Variants in CCDC170 observed in about 807,000 individuals in gnomAD.
CCDC170 encodes the protein coiled-coil domain containing 170.
In CCDC170, 69 loss-of-function variants were observed where a neutral mutation model predicts 72.6. The ratio of observed to expected loss-of-function variants is 0.95; its 90% CI spans 0.78 to 1.16. The LOEUF is 1.16. Ranked by LOEUF, CCDC170 falls within the 50% of genes most tolerant of loss-of-function variation. CCDC170 has a pLI of 0.00. For synonymous variants in CCDC170, 300 were observed against 303.9 expected, an observed-to-expected ratio of 0.99 and a Z score of 0.13; for missense variants, 852 against 832.5, an observed-to-expected ratio of 1.02 and a Z score of -0.29.
intron 5 of CCDC170, among the ~76,000 whole-genome samples, chr6:151,571,061 A>G (rs1451580563): frequency 6.6e-6 from 1 of 152,230 alleles, no homozygotes; most frequent in Non-Finnish European, 1.5e-5. Context: ...TGATTTTAAA[A>G]AAGTCACCAT....
At chr6:151,543,605 C>T (rs1331583171) in intron 3 of CCDC170, among the ~76,000 whole-genome samples, 1 of 152,106 alleles carries the variant, frequency 6.6e-6, no homozygotes, top group Non-Finnish European at 1.5e-5. Context: ...CATTGACTCA[C>T]CTCCCTGTAT....
chr6:151,577,268 A>G (rs956369111), intron 6 of CCDC170, among the ~76,000 whole-genome samples: 1 of 152,090 alleles, frequency 6.6e-6, no homozygotes, highest in Non-Finnish European at 1.5e-5. Context: ...AGTTTGTGAC[A>G]ACCACAGATG....
At chr6:151,546,807 C>T (rs1172245967) in intron 4 of CCDC170, among the ~76,000 whole-genome samples, 1 of 152,172 alleles carries the variant, frequency 6.6e-6, no homozygotes, top group Non-Finnish European at 1.5e-5. Context: ...CCCCATTGCC[C>T]TGTGTAGTGT....
intron 9 of CCDC170, among the ~76,000 whole-genome samples, chr6:151,600,481 A>G (rs1344935673): frequency 6.6e-6 from 1 of 151,896 alleles, no homozygotes; most frequent in Non-Finnish European, 1.5e-5. Context: ...TCTGTCTCTT[A>G]TAAGGACACC....
At position 151,607,367 on chromosome 6, in the gene CCDC170, C is replaced by T. The variant is rs1396397541; in HGVS notation, c.1711-8076C>T. Among the ~76,000 whole-genome samples, 12 of 151,204 alleles carry T rather than the reference C, an allele frequency of 7.9e-5. No individual in the cohort carries two copies. In the East Asian group the frequency reaches 1.4e-3, roughly 17 times the overall value. On this transcript the variant is annotated intron_variant, in intron 9 of 10. Coordinates refer to ENST00000239374, the MANE Select transcript of CCDC170 (RefSeq NM_025059.4). Reference sequence around the variant, plus strand: ...TAATATATCATTTGTTCCTTTTTTCCTCTCTTATTGTTTATCTTCGCAGTT... The same window carrying T: ...TAATATATCATTTGTTCCTTTTTTCTTCTCTTATTGTTTATCTTCGCAGTT...
At chr6:151,561,412 G>C (rs1414660463) in intron 5 of CCDC170, among the ~76,000 whole-genome samples, 1 of 151,992 alleles carries the variant, frequency 6.6e-6, no homozygotes, top group East Asian at 1.9e-4. Context: ...GTCTGGTCTG[G>C]TGGTGATAAA....
chr6:151,607,377 G>T (rs560779467), intron 9 of CCDC170, among the ~76,000 whole-genome samples: 2 of 151,996 alleles, frequency 1.3e-5, no homozygotes, highest in East Asian at 1.9e-4. Context: ...CTCTCTTATT[G>T]TTTATCTTCG....
In CCDC170 at chr6:151,615,744, T is replaced by G. The variant is rs141568819; in HGVS notation, c.1947+65T>G. On this transcript the variant is annotated intron_variant, in intron 10 of 10. Coordinates refer to ENST00000239374, the MANE Select transcript of CCDC170 (RefSeq NM_025059.4). ...GACAGGACAATTCAAGAGCTTGATA[T>G]TAATACTTATTCATGCATTTCTTTT... 7.8e-5 allele frequency: 87 copies of G among 1,114,858 alleles called. No homozygotes were observed. The African/African-American group carries it at 1.3e-3, about 17-fold the overall frequency. The allele number at this position is 1,114,858 out of a possible 1,614,324, so 69.1% of individuals were successfully genotyped here.
chr6:151,595,787 C>G (rs1776612329), intron 8 of CCDC170, among the ~76,000 whole-genome samples: 1 of 152,032 alleles, frequency 6.6e-6, no homozygotes, highest in Non-Finnish European at 1.5e-5. Context: ...CCACTACACC[C>G]CAGCCTGCAC....
At chr6:151,607,377 G>C (rs560779467) in intron 9 of CCDC170, among the ~76,000 whole-genome samples, 1 of 151,882 alleles carries the variant, frequency 6.6e-6, no homozygotes. Context: ...CTCTCTTATT[G>C]TTTATCTTCG....
At chr6:151,596,113 A>G (rs1369765731) in intron 8 of CCDC170, among the ~76,000 whole-genome samples, 2 of 152,110 alleles carry the variant, frequency 1.3e-5, no homozygotes, top group Non-Finnish European at 2.9e-5. Flanking sequence ...ACTCCTGCAC[A>G]TTTTCTGGGG....
intron 1 of CCDC170, among the ~76,000 whole-genome samples, chr6:151,533,396 A>G (rs1277080887): frequency 1.3e-5 from 2 of 151,706 alleles, no homozygotes; most frequent in Non-Finnish European, 1.5e-5. Context: ...GGCTGGGCGT[A>G]GTGGCTCATG....
At chr6:151,554,872 GT>G (rs1173500486) in intron 5 of CCDC170, among the ~76,000 whole-genome samples, 4,909 of 102,196 alleles carry the variant, frequency 0.048, 57 homozygotes, top group East Asian at 0.16. Flanking sequence ...TTGGACCTCA[GT>G]TTTTTTTTTT....
intron 1 of CCDC170, among the ~76,000 whole-genome samples, chr6:151,506,912 C>A (rs1203873906): frequency 6.6e-6 from 1 of 152,188 alleles, no homozygotes; most frequent in Non-Finnish European, 1.5e-5. Flanking sequence ...ATCAGTTCTT[C>A]CCTGGGTCTC....
chr6:151,514,865 A>G (rs575281211), intron 1 of CCDC170, among the ~76,000 whole-genome samples: 11 of 152,300 alleles, frequency 7.2e-5, no homozygotes, highest in Non-Finnish European at 1.3e-4. Flanking sequence ...TGGCAGAACC[A>G]TTCATTTCCA....
intron 1 of CCDC170, among the ~76,000 whole-genome samples, chr6:151,509,408 T>C (rs1782115958): frequency 6.6e-6 from 1 of 152,212 alleles, no homozygotes; most frequent in South Asian, 2.1e-4. Context: ...ATACCTCCCA[T>C]GGAGGTAGAT....
intron 7 of CCDC170, among the ~76,000 whole-genome samples, chr6:151,590,070 T>C (rs981901801): frequency 6.6e-6 from 1 of 152,042 alleles, no homozygotes; most frequent in South Asian, 2.1e-4. Context: ...AGCAGCAATC[T>C]CTTCGAGATT....
At chr6:151,511,251 G>A (rs970506890) in intron 1 of CCDC170, among the ~76,000 whole-genome samples, 4 of 152,158 alleles carry the variant, frequency 2.6e-5, no homozygotes, top group South Asian at 2.1e-4. Context: ...TTTACAAGAC[G>A]TAGTGAAATT....
intron 5 of CCDC170, among the ~76,000 whole-genome samples, chr6:151,566,975 C>G (rs12193018): frequency 0.077 from 11,791 of 152,150 alleles, 556 homozygotes; most frequent in Non-Finnish European, 0.11. Context: ...GGCTGGAGTG[C>G]AATGGTGCGA....
Sources: gnomAD v4.1 joint callset for allele counts (sites outside exome capture counted in the v4.1 genomes callset) on GRCh38, gnomAD v4.1.1 for gene constraint, MANE v1.5 for transcripts, NCBI Gene and HGNC (gene_info 2026-07-23, HGNC 2026-07-21) for gene names.